CCNT2: variants seen among roughly 807,000 people sequenced by gnomAD.
CCNT2 encodes the protein cyclin T2.
A neutral mutation model predicts 70.0 loss-of-function variants in CCNT2; 18 were observed. The ratio of observed to expected loss-of-function variants is 0.26; its 90% CI spans 0.18 to 0.38. CCNT2 has a LOEUF of 0.38. CCNT2 is among the 10% of genes least tolerant of loss of function. The pLI is 1.00. For missense variants in CCNT2, 734 were observed against 890.2 expected (o/e 0.82, Z 2.23); for synonymous variants, 334 against 313.3 (o/e 1.07, Z -0.70).
Position 134,954,507 on chromosome 2 carries a change from C to T in CCNT2, c.2052C>T (p.Leu684=), listed in dbSNP as rs770601392. 2.7e-5 allele frequency: 44 copies of T among 1,614,000 alleles called. No individual in the cohort carries two copies. The East Asian group carries it at 3.3e-4, about 12-fold the overall frequency. The part of the protein sequence containing the change: ...YQVGYGHLST[L]VKLDKKPVET... ...TGGGCTACGGACATCTCAGCACCCT[C>T]GTGAAACTGGACAAGAAGCCAGTGG... Residue 684 remains leucine, a synonymous_variant, in exon 9 of 9, where the codon CTC becomes CTT. Transcript: ENST00000264157.
intron 5 of CCNT2, chr2:134,945,724 T>G (rs1173233130): frequency 7.8e-7 from 1 of 1,283,356 alleles, no homozygotes; most frequent in Non-Finnish European, 1.0e-6. Flanking sequence ...CAGGCAACTC[T>G]TTGTATTTTG....
intron 7 of CCNT2, among the ~76,000 whole-genome samples, chr2:134,948,208 A>G (rs1226429768): frequency 6.6e-6 from 1 of 152,052 alleles, no homozygotes; most frequent in Non-Finnish European, 1.5e-5. Flanking sequence ...AGTCTCAGCT[A>G]CTTGGGAGGC....
At chr2:134,922,707 AG>A (rs1680000848) in intron 2 of CCNT2, among the ~76,000 whole-genome samples, 1 of 152,190 alleles carries the variant, frequency 6.6e-6, no homozygotes, top group Non-Finnish European at 1.5e-5. Context: ...ACTGAGGGAA[AG>A]CACCCACCCC....
chr2:134,940,288 T>C lies in CCNT2; in HGVS notation c.430+1226T>C, dbSNP rs540424704. Among the ~76,000 whole-genome samples the C allele has an allele frequency of 3.3e-5, 5 of 152,230 alleles. No individual in the cohort carries two copies. In the South Asian group the frequency reaches 1.0e-3, roughly 32 times the overall value. ...TACATGGATTTTTTTCAATAAATAA[T>C]ATTGGAAAATTGGGAATTTGCAACA... On this transcript the variant is annotated intron_variant, in intron 4 of 8. Transcript: ENST00000264157.
chr2:134,928,411 TG>T (rs1374397020), intron 2 of CCNT2, among the ~76,000 whole-genome samples: 1 of 151,664 alleles, frequency 6.6e-6, no homozygotes, highest in African/African-American at 2.4e-5. Flanking sequence ...CCCAAGTAGC[TG>T]GGATTACAGG....
intron 3 of CCNT2, 33 bp downstream of exon 3, chr2:134,937,002 G>A (rs778291935): frequency 6.5e-7 from 1 of 1,541,232 alleles, no homozygotes; most frequent in Middle Eastern, 1.8e-4. Flanking sequence ...ATTTTTCTTT[G>A]TAAATTTGAA....
chr2:134,925,006 C>A (rs1680180041), intron 2 of CCNT2, among the ~76,000 whole-genome samples: 1 of 152,048 alleles, frequency 6.6e-6, no homozygotes, highest in Non-Finnish European at 1.5e-5. Flanking sequence ...TTCCTTTTTT[C>A]TTGCATTCCT....
chr2:134,919,724 G>T, intron 1 of CCNT2, 86 bp from the exon 2 acceptor site: 2 of 1,085,544 alleles, frequency 1.8e-6, no homozygotes, highest in Non-Finnish European at 1.4e-6. Context: ...GGAGGTATTG[G>T]AAAAGAACCT....
intron 3 of CCNT2, 109 bp from the exon 4 acceptor site, chr2:134,938,893 A>G (rs971832236): frequency 1.5e-6 from 1 of 653,458 alleles, no homozygotes; most frequent in South Asian, 2.0e-5. Context: ...TTTTCAAACT[A>G]CTGTGGTTCT....
chr2:134,958,788 G>A lies in CCNT2; in HGVS notation c.*4140G>A, dbSNP rs1176911231. 6.6e-6 allele frequency: 1 copy of A among 152,112 alleles called. No homozygotes were observed. Among genetic ancestry groups the A allele is most frequent in the Non-Finnish European group, 1.5e-5 (1 of 68,014 alleles). 9.4% of individuals were successfully genotyped at this position (152,112 alleles called of 1,614,324 possible). On this transcript the variant is annotated 3_prime_UTR_variant, in exon 9 of 9. Transcript: ENST00000264157. ...ATTTTCTGCTCTGCAGTGTCAATTTGGGCACAGCCAGTTTTTACCTCTGTG... is the reference window on the plus strand; with the variant it reads ...ATTTTCTGCTCTGCAGTGTCAATTTAGGCACAGCCAGTTTTTACCTCTGTG...
chr2:134,928,274 C>CTTTTTTTTTTTTTT lies in CCNT2; in HGVS notation c.240+8389_240+8402dup, dbSNP rs551173090. 1.2e-3 allele frequency among the ~76,000 whole-genome samples: 115 copies of CTTTTTTTTTTTTTT among 96,380 alleles called. 4 individuals carry two copies. The highest frequency in any genetic ancestry group is 4.3e-3 in the African/African-American group (108 of 25,054). 63.2% of individuals were successfully genotyped at this position (96,380 alleles called of 152,430 possible). A position where few individuals can be genotyped will look rare whatever the true frequency, so the allele number is the denominator to read the frequency against. The stretch of plus-strand genomic sequence containing the variant: ...CCATGCCCGGCCTCACATTGTATTT[C>CTTTTTTTTTTTTTT]TTTTTTTTTTTTTTTTTTTCTGAGA... On this transcript the variant is annotated intron_variant, in intron 2 of 8. Transcript: ENST00000264157.
chr2:134,953,182 T>C, intron 8 of CCNT2, 48 bp from the exon 9 acceptor site: 2 of 1,315,498 alleles, frequency 1.5e-6, no homozygotes, highest in Non-Finnish European at 2.1e-6. Context: ...AAATTTGCAT[T>C]AAATTATTTT....
Position 134,957,856 on chromosome 2 carries a change from G to A in CCNT2, c.*3208G>A, listed in dbSNP as rs891760509. The A allele has an allele frequency of 4.6e-5, 7 of 151,262 alleles. No individual in the cohort carries two copies. Among genetic ancestry groups the A allele is most frequent in the African/African-American group, 1.7e-4 (7 of 41,054 alleles). 9.4% of individuals were successfully genotyped at this position (151,262 alleles called of 1,614,324 possible). On this transcript the variant is annotated 3_prime_UTR_variant, in exon 9 of 9. Coordinates refer to ENST00000264157, the MANE Select transcript of CCNT2 (RefSeq NM_058241.3). ...ATGTATGGTTTCTTGAATGTCATGA[G>A]TGGCTGCGTATATTGCTTTGTAGCA... is the stretch of plus-strand genomic sequence containing the variant.
intron 7 of CCNT2, among the ~76,000 whole-genome samples, chr2:134,952,090 G>A (rs1195817831): frequency 6.6e-6 from 1 of 152,164 alleles, no homozygotes; most frequent in Admixed American, 6.5e-5. Context: ...CTTGCTTGGT[G>A]CATCATATCA....
At chr2:134,943,846 C>T (rs1681748438) in intron 5 of CCNT2, 1 of 984,792 alleles carries the variant, frequency 1.0e-6, no homozygotes, top group Admixed American at 6.2e-5. Flanking sequence ...TAGAATTTTG[C>T]AGTTTCATTC....
chr2:134,923,320 G>A (rs1360247246), intron 2 of CCNT2, among the ~76,000 whole-genome samples: 1 of 151,938 alleles, frequency 6.6e-6, no homozygotes, highest in African/African-American at 2.4e-5. Context: ...AATAAATTTT[G>A]CTTTTTCTCC....
intron 5 of CCNT2, chr2:134,945,085 C>T: frequency 1.0e-6 from 1 of 985,422 alleles, no homozygotes; most frequent in Non-Finnish European, 1.2e-6. Context: ...GAAAGTCACA[C>T]TGCCTCCAAG....
At position 134,954,192 on chromosome 2, in the gene CCNT2, T is replaced by C. The variant is rs1280200081; in HGVS notation, c.1737T>C (p.His579=). ...HTSSHKHSHS[H]SGSSSGGSKH... is the part of the protein sequence containing the mutation. ...GCAGCCACAAGCATTCCCACTCGCA[T>C]AGTGGCAGCAGCAGCGGTGGCAGTA... Residue 579 remains histidine, a synonymous_variant, in exon 9 of 9, where the codon CAT becomes CAC. Coordinates refer to ENST00000264157, the MANE Select transcript of CCNT2 (RefSeq NM_058241.3). 3.7e-6 allele frequency: 6 copies of C among 1,614,090 alleles called. No individual in the cohort carries two copies. The highest frequency in any genetic ancestry group is 1.3e-5 in the African/African-American group (1 of 75,000).
chr2:134,939,504 C>T (rs923516680), intron 4 of CCNT2, among the ~76,000 whole-genome samples: 4 of 152,026 alleles, frequency 2.6e-5, no homozygotes, highest in Non-Finnish European at 4.4e-5. Context: ...CTCGCTCTGT[C>T]GCCCAGGCTG....
Sources: gnomAD v4.1 joint callset for allele counts (sites outside exome capture counted in the v4.1 genomes callset) on GRCh38, gnomAD v4.1.1 for gene constraint, MANE v1.5 for transcripts, NCBI Gene and HGNC (gene_info 2026-07-23, HGNC 2026-07-21) for gene names.